R3HDM1: variants seen among roughly 807,000 people sequenced by gnomAD.
R3HDM1 encodes the protein R3H domain containing 1, also known as R3H domain-containing protein 1.
R3HDM1 carries 46 observed loss-of-function variants against 141.1 expected under a neutral mutation model. The ratio of observed to expected loss-of-function variants is 0.33; its 90% CI spans 0.26 to 0.42. The LOEUF is 0.42. Among genes scored for constraint, R3HDM1 ranks in the 10% least tolerant of loss-of-function variants. The pLI, the probability that R3HDM1 is intolerant of heterozygous loss-of-function variation, is 1.00. For synonymous variants in R3HDM1, 435 were observed against 472.9 expected (o/e 0.92, Z 1.04); for missense variants, 1,184 against 1,368.3 (o/e 0.87, Z 2.12).
intron 1 of R3HDM1, among the ~76,000 whole-genome samples, chr2:135,554,313 T>C (rs1424242653): frequency 2.6e-5 from 4 of 152,238 alleles, no homozygotes; most frequent in African/African-American, 9.7e-5. Flanking sequence ...CATAATGTTT[T>C]TGGGGTTCAT....
chr2:135,571,863 C>T lies in R3HDM1; in HGVS notation c.-249-30637C>T, dbSNP rs140316382. ...CTAGTCTCGAACTCCTGGACTCAAG[C>T]GATCTACCCGCCTTGGCTTCCCAGA... On this transcript the variant is annotated intron_variant, in intron 1 of 26. Transcript: ENST00000683871. Among the ~76,000 whole-genome samples, 143 of 152,086 alleles carry T rather than the reference C, an allele frequency of 9.4e-4. 1 individual carries two copies. The highest frequency in any genetic ancestry group is 3.1e-3 in the African/African-American group (129 of 41,478).
At chr2:135,572,142 GAGAC>G (rs1704264605) in intron 1 of R3HDM1, among the ~76,000 whole-genome samples, 1 of 152,058 alleles carries the variant, frequency 6.6e-6, no homozygotes, top group African/African-American at 2.4e-5. Flanking sequence ...GGTTTTTGTA[GAGAC>G]AGAGTTTCAC....
chr2:135,534,843 A>G (rs868783379), intron 1 of R3HDM1, among the ~76,000 whole-genome samples: 4 of 152,248 alleles, frequency 2.6e-5, no homozygotes, highest in Non-Finnish European at 2.9e-5. Context: ...TCTTTTTTGA[A>G]CTGGTACTTT....
chr2:135,669,760 T>C (rs1347587247), intron 19 of R3HDM1: 1 of 192,036 alleles, frequency 5.2e-6, no homozygotes, highest in African/African-American at 2.4e-5. Context: ...CATAAGATTG[T>C]GAACACTAAA....
At chr2:135,605,701 T>C (rs528989174) in intron 3 of R3HDM1, 2 of 150,860 alleles carry the variant, frequency 1.3e-5, no homozygotes, top group South Asian at 4.1e-4. Context: ...TTTTATTTTT[T>C]TGAGATGGAG....
At position 135,597,628 on chromosome 2, in the gene R3HDM1, G is replaced by T. The variant is rs564332892; in HGVS notation, c.-249-4872G>T. On this transcript the variant is annotated intron_variant, in intron 1 of 26. Coordinates refer to ENST00000683871, the MANE Select transcript of R3HDM1 (RefSeq NM_001378107.1). ...CTTGGTTATATTTCTGTCTCTAAGA[G>T]AAAAAACATAACATCTTATCTAATG... Among the ~76,000 whole-genome samples the T allele has an allele frequency of 3.9e-4, 60 of 152,146 alleles. 1 individual carries two copies. Among genetic ancestry groups the T allele is most frequent in the African/African-American group, 1.3e-3 (55 of 41,520 alleles).
At chr2:135,677,864 A>C (rs1434328732) in intron 20 of R3HDM1, among the ~76,000 whole-genome samples, 4 of 152,116 alleles carry the variant, frequency 2.6e-5, no homozygotes, top group African/African-American at 9.7e-5. Context: ...ATGGGTTTGA[A>C]TTCTGACTTT....
At chr2:135,644,735 A>G (rs2064195014) in intron 15 of R3HDM1, among the ~76,000 whole-genome samples, 1 of 152,168 alleles carries the variant, frequency 6.6e-6, no homozygotes, top group South Asian at 2.1e-4. Context: ...ATATAGCCTT[A>G]TAGGACCCCA....
intron 16 of R3HDM1, among the ~76,000 whole-genome samples, chr2:135,648,793 AC>A (rs57336345): frequency 0.011 from 1,652 of 151,226 alleles, 27 homozygotes; most frequent in African/African-American, 0.034. Context: ...AAAAAAAAAA[AC>A]ACCTGTGTTT....
At chr2:135,680,098 G>A (rs2069982305) in intron 20 of R3HDM1, 75 bp from the exon 21 acceptor site, 1 of 1,412,188 alleles carries the variant, frequency 7.1e-7, no homozygotes, top group Non-Finnish European at 9.8e-7. Context: ...TAAAGTTTAT[G>A]GAGGTTGAAA....
At chr2:135,717,989 G>T (rs1053891041) in intron 24 of R3HDM1, among the ~76,000 whole-genome samples, 2 of 152,052 alleles carry the variant, frequency 1.3e-5, no homozygotes, top group Non-Finnish European at 2.9e-5. Context: ...TCCTTAAAAG[G>T]GTACTACGCA....
intron 18 of R3HDM1, among the ~76,000 whole-genome samples, chr2:135,658,466 C>G (rs1167563276): frequency 6.6e-6 from 1 of 152,144 alleles, no homozygotes; most frequent in African/African-American, 2.4e-5. Context: ...TGTGCCCGGC[C>G]AAAAGATTTT....
chr2:135,614,207 C>T (rs113819502), intron 3 of R3HDM1, among the ~76,000 whole-genome samples: 3 of 152,250 alleles, frequency 2.0e-5, no homozygotes, highest in South Asian at 2.1e-4. Context: ...AAAGCCTCCT[C>T]GTAGATTAAA....
intron 18 of R3HDM1, among the ~76,000 whole-genome samples, chr2:135,658,314 G>A (rs186874462): frequency 8.5e-5 from 13 of 152,118 alleles, no homozygotes; most frequent in South Asian, 6.2e-4. Context: ...TACAAGGCGC[G>A]TGCCACCATG....
intron 17 of R3HDM1, chr2:135,651,432 C>A: frequency 1.0e-6 from 1 of 975,990 alleles, no homozygotes; most frequent in Non-Finnish European, 1.2e-6. Context: ...ATGTTGCTTT[C>A]ATCTTCATTT....
chr2:135,547,185 GA>G, intron 1 of R3HDM1, among the ~76,000 whole-genome samples: 1 of 152,178 alleles, frequency 6.6e-6, no homozygotes, highest in Non-Finnish European at 1.5e-5. Flanking sequence ...AGCCTGTGTA[GA>G]ACTTAACTAC....
At chr2:135,566,332 A>G (rs1702790818) in intron 1 of R3HDM1, among the ~76,000 whole-genome samples, 1 of 152,168 alleles carries the variant, frequency 6.6e-6, no homozygotes, top group Non-Finnish European at 1.5e-5. Flanking sequence ...ATACTAATCT[A>G]GAATATATGT....
rs373209661 is a variant in R3HDM1, at chr2:135,661,305, C to T, written c.2064C>T (p.His688=). ...PACYCAPGHY[H]SSQPQYRPVP... Reference sequence around the variant, plus strand: ...GTTATTGCGCTCCAGGCCACTATCACTCCAGCCAACCTCAGTATCGCCCAG... The same window carrying T: ...GTTATTGCGCTCCAGGCCACTATCATTCCAGCCAACCTCAGTATCGCCCAG... Residue 688 remains histidine, a synonymous_variant, in exon 19 of 27, where the codon CAC becomes CAT. Transcript: ENST00000683871. The T allele has an allele frequency of 9.3e-6, 15 of 1,614,096 alleles. No homozygotes were observed. The African/African-American group carries it at 1.9e-4, about 20-fold the overall frequency.
At chr2:135,587,073 T>C in intron 1 of R3HDM1, 1 of 784,000 alleles carries the variant, frequency 1.3e-6, no homozygotes, top group Non-Finnish European at 1.5e-6. Flanking sequence ...CTGTCATTGC[T>C]ATGATTAACA....
Sources: allele counts gnomAD v4.1 joint callset (sites outside exome capture counted in the v4.1 genomes callset), GRCh38; gene constraint gnomAD v4.1.1; transcripts MANE v1.5; gene names NCBI Gene and HGNC (gene_info 2026-07-23, HGNC 2026-07-21).